The following TGM2 variants were observed in gnomAD, a reference collection of about 807,000 sequenced individuals.
The protein encoded by TGM2 is protein-glutamine gamma-glutamyltransferase 2.
In TGM2, 53 loss-of-function variants were observed where a neutral mutation model predicts 75.6. The ratio of observed to expected loss-of-function variants is 0.70; its 90% confidence interval spans 0.56 to 0.88. The LOEUF is 0.88. TGM2 is among the 40% of genes least tolerant of loss of function. The pLI is 0.00. For synonymous variants in TGM2, 374 were observed against 381.1 expected (o/e 0.98, Z 0.22); for missense variants, 842 against 928.5 (o/e 0.91, Z 1.21).
intron 1 of TGM2, among the ~76,000 whole-genome samples, chr20:38,164,115 G>C (rs2075285014): frequency 6.6e-6 from 1 of 152,186 alleles, no homozygotes; most frequent in African/African-American, 2.4e-5. Flanking sequence ...CCCTGCTTTT[G>C]AGCATGGGGG....
chr20:38,153,136 G>A (rs149337008), intron 3 of TGM2, among the ~76,000 whole-genome samples: 30 of 152,248 alleles, frequency 2.0e-4, no homozygotes, highest in African/African-American at 5.5e-4. Flanking sequence ...TGGTCCCTGC[G>A]TGCCATGAGC....
In TGM2 at chr20:38,155,833, G is replaced by A. The variant is rs759190276; in HGVS notation, c.433+14C>T. The A allele has an allele frequency of 6.9e-6, 11 of 1,592,960 alleles. 1 individual carries two copies. The South Asian group carries it at 1.3e-4, about 18-fold the overall frequency. ...GCCCACCCCAACGCTGTGAGTGGAT[G>A]GCGTGTGGCTCACCTGGGCACCAGG... is the stretch of plus-strand genomic sequence containing the variant. On this transcript the variant is annotated intron_variant, in intron 3 of 12. Transcript: ENST00000361475.
upstream of TGM2, among the ~76,000 whole-genome samples, chr20:38,165,800 C>T (rs532876820): frequency 6.6e-6 from 1 of 151,904 alleles, no homozygotes; most frequent in East Asian, 1.9e-4. Context: ...CACAGATACA[C>T]TCCCACAGAT....
chr20:38,132,685 A>G, intron 10 of TGM2, 185 bp from the exon 11 acceptor site: 1 of 800,672 alleles, frequency 1.2e-6, no homozygotes, highest in Non-Finnish European at 2.1e-6. Flanking sequence ...TGGAGAGTGG[A>G]CACTGAGCAG....
At chr20:38,141,223 T>G in intron 8 of TGM2, 59 bp downstream of exon 8, 1 of 1,434,396 alleles carries the variant, frequency 7.0e-7, no homozygotes, top group Non-Finnish European at 9.6e-7. Flanking sequence ...CTGAGTCACT[T>G]TAACTCTCCA....
intron 8 of TGM2, 22 bp downstream of exon 8, chr20:38,141,260 G>C (rs762724074): frequency 1.9e-6 from 3 of 1,543,978 alleles, no homozygotes; most frequent in South Asian, 2.4e-5. Flanking sequence ...TCTGTTTGAC[G>C]CGACAGTGCC....
chr20:38,166,283 C>G (rs1387633064), upstream of TGM2: 2 of 152,736 alleles, frequency 1.3e-5, no homozygotes, highest in Middle Eastern at 3.4e-3. Flanking sequence ...CCCCACCTAT[C>G]CATCCACTCA....
At position 38,130,238 on chromosome 20, in the gene TGM2, A is replaced by G; in HGVS notation, c.2045T>C (p.Val682Ala). Residue 682 changes from valine to alanine, a missense_variant, in exon 13 of 13, where the codon GTC becomes GCC. By Grantham distance (64) the Val-to-Ala change is moderately conservative. Coordinates refer to ENST00000361475, the MANE Select transcript of TGM2 (RefSeq NM_004613.4). ...GGTCCCTTAGGCGGGGCCAATGATGACATTCCGGAAGCCCTTCACAGCCTT... is the reference window on the plus strand; with the variant it reads ...GGTCCCTTAGGCGGGGCCAATGATGGCATTCCGGAAGCCCTTCACAGCCTT... ...KLKAVKGFRN[V>A]IIGPA 1 of 1,613,460 alleles carries G rather than the reference A, an allele frequency of 6.2e-7. No homozygotes were observed.
rs1347854047 is a variant in TGM2 at position 38,129,343 on chromosome 20, T to G, written c.*876A>C. 1 of 152,268 alleles carries G rather than the reference T, an allele frequency of 6.6e-6. No homozygotes were observed. Among genetic ancestry groups the G allele is most frequent in the Non-Finnish European group, 1.5e-5 (1 of 68,100 alleles). 9.4% of individuals were successfully genotyped at this position (152,268 alleles called of 1,614,324 possible). On this transcript the variant is annotated 3_prime_UTR_variant, in exon 13 of 13. Transcript: ENST00000361475. ...CCAGTCCCCTCTCTACCTCCTTGTC[T>G]TGGCTGAGTCTTTTTTTGATAAAGG... is the stretch of plus-strand genomic sequence containing the variant.
At chr20:38,144,674 A>G (rs2075023099) in intron 6 of TGM2, among the ~76,000 whole-genome samples, 1 of 152,208 alleles carries the variant, frequency 6.6e-6, no homozygotes, top group African/African-American at 2.4e-5. Context: ...GGAGGCATCA[A>G]TTCTCTTGCC....
chr20:38,165,563 A>G (rs1197098606), upstream of TGM2, among the ~76,000 whole-genome samples: 1 of 152,054 alleles, frequency 6.6e-6, no homozygotes, highest in Admixed American at 6.5e-5. Flanking sequence ...TCAGATACAG[A>G]CACACGCAGC....
upstream of TGM2, among the ~76,000 whole-genome samples, chr20:38,165,671 A>ACAC (rs2075304011): frequency 1.4e-5 from 2 of 143,226 alleles, no homozygotes; most frequent in Admixed American, 6.9e-5. Context: ...CCCCACCCCC[A>ACAC]ACACACACAC....
chr20:38,130,213 G>T lies in TGM2; in HGVS notation c.*6C>A. 3 of 1,613,300 alleles carry T rather than the reference G, an allele frequency of 1.9e-6. No homozygotes were observed. In the South Asian group the frequency reaches 3.3e-5, roughly 18 times the overall value. On this transcript the variant is annotated 3_prime_UTR_variant, in exon 13 of 13. Transcript: ENST00000361475. ...GGGCTCTCAGCAGGCTGGGAGCAGG[G>T]GTCCCTTAGGCGGGGCCAATGATGA...
At chr20:38,131,680 C>T (rs2122845788) in intron 11 of TGM2, among the ~76,000 whole-genome samples, 1 of 152,254 alleles carries the variant, frequency 6.6e-6, no homozygotes, top group Middle Eastern at 3.4e-3. Flanking sequence ...ATGTCTGACA[C>T]ACTGCTCACT....
At chr20:38,152,758 C>T (rs1196842180) in intron 3 of TGM2, among the ~76,000 whole-genome samples, 1 of 152,272 alleles carries the variant, frequency 6.6e-6, no homozygotes, top group Non-Finnish European at 1.5e-5. Context: ...AGCCCAACTT[C>T]CTGCCTCTGC....
At chr20:38,152,176 T>A (rs2075122438) in intron 3 of TGM2, among the ~76,000 whole-genome samples, 1 of 152,196 alleles carries the variant, frequency 6.6e-6, no homozygotes, top group African/African-American at 2.4e-5. Flanking sequence ...TTAAAACATG[T>A]TCACGGGCCC....
chr20:38,148,539 G>A (rs1251289809), intron 4 of TGM2, among the ~76,000 whole-genome samples: 2 of 152,052 alleles, frequency 1.3e-5, no homozygotes, highest in African/African-American at 4.8e-5. Flanking sequence ...GCCCACACAC[G>A]CTGCTCTGAT....
intron 2 of TGM2, among the ~76,000 whole-genome samples, chr20:38,158,044 C>A (rs1485760868): frequency 6.6e-6 from 1 of 152,158 alleles, no homozygotes; most frequent in Non-Finnish European, 1.5e-5. Flanking sequence ...TCAGTTTACG[C>A]CTGTGGTCCC....
Position 38,139,581 on chromosome 20 carries a change from G to A in TGM2, c.1173C>T (p.Pro391=), listed in dbSNP as rs1289153047. Residue 391 remains proline (P), a synonymous_variant, in exon 9 of 13, where the codon CCC becomes CCT. Transcript: ENST00000361475. ...EGDLSTKYDA[P]FVFAEVNADV... is the part of the protein sequence containing the mutation. Reference sequence around the variant, plus strand: ...CGGCATTGACCTCCGCAAAGACAAAGGGCGCATCGTACTTGGTGCTCAGGT... The same window carrying A: ...CGGCATTGACCTCCGCAAAGACAAAAGGCGCATCGTACTTGGTGCTCAGGT... 2 of 1,614,192 alleles carry A rather than the reference G, an allele frequency of 1.2e-6. No individual in the cohort carries two copies. Among genetic ancestry groups the A allele is most frequent in the Admixed American group, 1.7e-5 (1 of 60,026 alleles).
Sources: allele counts gnomAD v4.1 joint callset (sites outside exome capture counted in the v4.1 genomes callset), GRCh38; gene constraint gnomAD v4.1.1; transcripts MANE v1.5; gene names NCBI Gene and HGNC (gene_info 2026-07-23, HGNC 2026-07-21).